The following MAD1L1 variants were observed in gnomAD, a reference collection of about 807,000 sequenced individuals.
The protein encoded by MAD1L1 is mitotic arrest deficient 1 like 1.
Under a neutral mutation model 96.9 loss-of-function variants are expected in MAD1L1, and 95 were observed. That is an observed-to-expected ratio of 0.98 (90% confidence interval 0.83 to 1.16). MAD1L1 has a LOEUF of 1.16. MAD1L1 is among the 50% of genes most tolerant of loss of function. The pLI, the probability that MAD1L1 is intolerant of heterozygous loss-of-function variation, is 0.00. For missense variants in MAD1L1, 1,007 were observed against 954.4 expected (o/e 1.06, Z -0.73); for synonymous variants, 473 against 396.6 (o/e 1.19, Z -2.29).
At chr7:2,031,774 C>T (rs1783238939) in intron 12 of MAD1L1, among the ~76,000 whole-genome samples, 1 of 152,252 alleles carries the variant, frequency 6.6e-6, no homozygotes, top group Admixed American at 6.5e-5. Flanking sequence ...GGCCATGGGC[C>T]TGAGACAGGC....
chr7:2,038,271 G>A (rs1431212123), intron 12 of MAD1L1, among the ~76,000 whole-genome samples: 10 of 152,154 alleles, frequency 6.6e-5, no homozygotes, highest in African/African-American at 2.2e-4. Flanking sequence ...AGTACAAGGT[G>A]AAGCCGCAAG....
chr7:1,823,714 A>G (rs1782244635), intron 18 of MAD1L1, among the ~76,000 whole-genome samples: 1 of 152,178 alleles, frequency 6.6e-6, no homozygotes, highest in Non-Finnish European at 1.5e-5. Context: ...GTGAGGGCAG[A>G]GCGCCCAGGC....
chr7:1,914,606 G>A (rs1583767298), intron 17 of MAD1L1, among the ~76,000 whole-genome samples: 2 of 152,124 alleles, frequency 1.3e-5, no homozygotes, highest in South Asian at 2.1e-4. Flanking sequence ...AGATCACATC[G>A]TGTTGAGTTT....
chr7:1,996,199 C>CT (rs1781548715), intron 14 of MAD1L1, among the ~76,000 whole-genome samples: 1 of 151,574 alleles, frequency 6.6e-6, no homozygotes, highest in Non-Finnish European at 1.5e-5. Context: ...CAGGGTCCCC[C>CT]CGGGTCTACA....
At chr7:1,883,719 G>A (rs1005186205) in intron 18 of MAD1L1, among the ~76,000 whole-genome samples, 44 of 152,330 alleles carry the variant, frequency 2.9e-4, no homozygotes, top group African/African-American at 1.0e-3. Flanking sequence ...CGAGGCAGAG[G>A]GTGCAGGTCC....
At chr7:2,102,225 GCCACCGCCACCACCA>G (rs1429400553) in intron 11 of MAD1L1, among the ~76,000 whole-genome samples, 1 of 124,744 alleles carries the variant, frequency 8.0e-6, no homozygotes, top group Admixed American at 7.6e-5. Flanking sequence ...CGCCACCGTC[GCCACCGCCACCACCA>G]CCACCGCCAC....
chr7:1,889,820 T>A (rs1786426238), intron 18 of MAD1L1, among the ~76,000 whole-genome samples: 1 of 152,202 alleles, frequency 6.6e-6, no homozygotes, highest in African/African-American at 2.4e-5. Flanking sequence ...CAGACCCAGC[T>A]AATTCCTTCC....
At chr7:1,840,143 A>G (rs10228057) in intron 18 of MAD1L1, among the ~76,000 whole-genome samples, 1 of 151,716 alleles carries the variant, frequency 6.6e-6, no homozygotes, top group South Asian at 2.1e-4. Flanking sequence ...CAGGTCTGAC[A>G]CTCTCTTTCC....
chr7:1,818,555 T>G lies in MAD1L1; in HGVS notation c.1999-2327A>C, dbSNP rs147430278. Among the ~76,000 whole-genome samples the G allele has an allele frequency of 3.6e-3, 548 of 152,080 alleles. 14 individuals are homozygous for G. The highest frequency in any genetic ancestry group is 0.017 in the East Asian group (87 of 5,168). On this transcript the variant is annotated intron_variant, in intron 18 of 18. Transcript: ENST00000265854. ...CAGCACACCTGGCTAATTTTTAAAT[T>G]TTTTTGAGAGATAGATAGACTTTAG...
chr7:1,942,804 G>C (rs1295450583), intron 16 of MAD1L1, among the ~76,000 whole-genome samples: 1 of 152,172 alleles, frequency 6.6e-6, no homozygotes, highest in Admixed American at 6.5e-5. Context: ...ACACGGAACT[G>C]CAGGGGCTCA....
At chr7:2,094,656 G>A (rs562394437) in intron 11 of MAD1L1, among the ~76,000 whole-genome samples, 20 of 151,710 alleles carry the variant, frequency 1.3e-4, no homozygotes, top group Admixed American at 3.9e-4. Context: ...GGGCAGGAGC[G>A]GGGCTGGCAG....
chr7:1,953,706 G>A (rs1233915055), intron 16 of MAD1L1, among the ~76,000 whole-genome samples: 2 of 152,226 alleles, frequency 1.3e-5, no homozygotes, highest in African/African-American at 4.8e-5. Flanking sequence ...CCTTGGTGGC[G>A]GGTGACCAGG....
At chr7:1,915,821 C>T (rs1315261453) in intron 17 of MAD1L1, among the ~76,000 whole-genome samples, 1 of 152,168 alleles carries the variant, frequency 6.6e-6, no homozygotes, top group East Asian at 1.9e-4. Flanking sequence ...GGATAAGGGG[C>T]TTAGTCTAAG....
chr7:1,905,787 C>A (rs1787589638), intron 17 of MAD1L1, among the ~76,000 whole-genome samples: 1 of 152,148 alleles, frequency 6.6e-6, no homozygotes, highest in Non-Finnish European at 1.5e-5. Flanking sequence ...CAGTGGCTCA[C>A]ACCTGTAATC....
At chr7:2,065,100 T>A (rs1162696602) in intron 12 of MAD1L1, among the ~76,000 whole-genome samples, 1 of 152,252 alleles carries the variant, frequency 6.6e-6, no homozygotes, top group Non-Finnish European at 1.5e-5. Context: ...CTTCTAGGAC[T>A]CTCTTCTGGA....
At position 1,968,435 on chromosome 7, in the gene MAD1L1, C is replaced by T. The variant is rs868362483; in HGVS notation, c.1506-10716G>A. The stretch of plus-strand genomic sequence containing the variant: ...GCCTCAGTCCGGCGATCAGGTCCAC[C>T]GTCAACGCCAGCAGTCATGTCCACC... On this transcript the variant is annotated intron_variant, in intron 15 of 18. Transcript: ENST00000265854. The surrounding 1 kb of genome is among the most constrained non-coding windows in gnomAD (Gnocchi z 5.6). Among the ~76,000 whole-genome samples the T allele has an allele frequency of 1.0e-3, 155 of 147,936 alleles. No individual in the cohort carries two copies. The highest frequency in any genetic ancestry group is 3.7e-3 in the African/African-American group (146 of 39,720).
chr7:1,955,259 A>C (rs1294722116), intron 16 of MAD1L1, among the ~76,000 whole-genome samples: 3 of 152,196 alleles, frequency 2.0e-5, no homozygotes, highest in African/African-American at 4.8e-5. Flanking sequence ...AGGGAGCGGG[A>C]GCAGGGAGAG....
intron 14 of MAD1L1, among the ~76,000 whole-genome samples, chr7:1,982,158 A>G (rs1183410482): frequency 1.3e-5 from 2 of 151,912 alleles, no homozygotes; most frequent in Admixed American, 1.3e-4. Context: ...TGTCCTACAC[A>G]TCATTTGGTA....
chr7:1,853,675 C>G (rs4721122), intron 18 of MAD1L1, among the ~76,000 whole-genome samples: 56,901 of 152,034 alleles, frequency 0.37, 10,868 homozygotes, highest in Admixed American at 0.45. Context: ...CGGGGGCCCC[C>G]TGCCTCTCCC....
Sources: allele counts gnomAD v4.1 joint callset (sites outside exome capture counted in the v4.1 genomes callset), GRCh38; gene constraint gnomAD v4.1.1; non-coding constraint Gnocchi (gnomAD v3.1); transcripts MANE v1.5; gene names NCBI Gene and HGNC (gene_info 2026-07-23, HGNC 2026-07-21).